The following RHOT1 variants were observed in gnomAD, a reference collection of about 807,000 sequenced individuals.
The protein encoded by RHOT1 is ras homolog family member T1, also known as mitochondrial Rho GTPase 1.
A neutral mutation model predicts 95.3 loss-of-function variants in RHOT1; 27 were observed. The observed-to-expected ratio is 0.28, with a 90% CI of 0.21 to 0.39. The LOEUF (loss-of-function observed/expected upper bound fraction) is 0.39. RHOT1 is among the 10% of genes least tolerant of loss of function. The pLI is 1.00. For missense variants in RHOT1, 578 were observed against 786.7 expected, an observed-to-expected ratio of 0.73 and a Z score of 3.17; for synonymous variants, 227 against 263.5, an observed-to-expected ratio of 0.86 and a Z score of 1.34.
At chr17:32,156,946 G>A (rs2033028041) in intron 1 of RHOT1, among the ~76,000 whole-genome samples, 1 of 152,228 alleles carries the variant, frequency 6.6e-6, no homozygotes, top group South Asian at 2.1e-4. Context: ...ATTCTATGAG[G>A]CTGGCCAGTA....
rs2142766551 is a variant in RHOT1, at chr17:32,193,081, ATTTGTGGTTTT to A, written c.640-54_640-44del. ...GCTTTGTAGATTATCATTTTATATT[ATTTGTGGTTTT>A]AACGCTGGTTTGTTTTTAAATATAT... On this transcript the variant is annotated intron_variant, in intron 9 of 19. Transcript: ENST00000545287. 4.0e-6 allele frequency: 4 copies of A among 1,011,846 alleles called. No individual in the cohort carries two copies. In the South Asian group the frequency reaches 5.6e-5, roughly 14 times the overall value. The allele number at this position is 1,011,846 out of a possible 1,614,324, so 62.7% of individuals were successfully genotyped here.
At chr17:32,196,169 C>T (rs2036871300) in intron 11 of RHOT1, among the ~76,000 whole-genome samples, 1 of 151,502 alleles carries the variant, frequency 6.6e-6, no homozygotes, top group South Asian at 2.1e-4. Flanking sequence ...CAGGATAAAA[C>T]CCAAGCTGCT....
intron 1 of RHOT1, among the ~76,000 whole-genome samples, chr17:32,162,254 C>G (rs1460202027): frequency 6.6e-6 from 1 of 152,130 alleles, no homozygotes; most frequent in Non-Finnish European, 1.5e-5. Context: ...TTAGGATGAA[C>G]TCTGTGGTTG....
At chr17:32,186,619 C>T (rs977134400) in intron 8 of RHOT1, among the ~76,000 whole-genome samples, 11 of 152,046 alleles carry the variant, frequency 7.2e-5, no homozygotes, top group Non-Finnish European at 1.2e-4. Flanking sequence ...CCCGCCTCGG[C>T]CCCCCAAAGT....
intron 6 of RHOT1, among the ~76,000 whole-genome samples, chr17:32,181,537 T>A (rs2035632634): frequency 6.6e-6 from 1 of 152,228 alleles, no homozygotes; most frequent in South Asian, 2.1e-4. Context: ...AAATTTTCAC[T>A]AAGAAATTTT....
At chr17:32,150,978 G>GCTGCTT in intron 1 of RHOT1, 2 of 1,541,996 alleles carry the variant, frequency 1.3e-6, no homozygotes, top group Non-Finnish European at 1.8e-6. Context: ...TGCTGCTGCT[G>GCTGCTT]CTGCTTCAAT....
At chr17:32,215,674 A>T (rs1278972460) in intron 19 of RHOT1, among the ~76,000 whole-genome samples, 1 of 152,154 alleles carries the variant, frequency 6.6e-6, no homozygotes, top group African/African-American at 2.4e-5. Context: ...TGAGAAAAAA[A>T]TTGTCTTTTT....
chr17:32,191,676 T>C (rs963809566), intron 8 of RHOT1, among the ~76,000 whole-genome samples: 8 of 152,204 alleles, frequency 5.3e-5, no homozygotes, highest in African/African-American at 1.9e-4. Flanking sequence ...AGGAAGTTAG[T>C]AAAAATTTTT....
chr17:32,195,002 T>G (rs2036768752), intron 11 of RHOT1, among the ~76,000 whole-genome samples: 1 of 151,958 alleles, frequency 6.6e-6, no homozygotes, highest in South Asian at 2.1e-4. Flanking sequence ...ATTTTTTGTA[T>G]ATTTAGTAGA....
intron 6 of RHOT1, among the ~76,000 whole-genome samples, chr17:32,177,455 CT>C (rs2035097304): frequency 1.3e-5 from 2 of 152,078 alleles, no homozygotes; most frequent in South Asian, 4.1e-4. Flanking sequence ...AGGAGGGAAT[CT>C]TTAAGAGAGG....
At chr17:32,209,390 C>T (rs1567723829) in intron 18 of RHOT1, 1 of 1,611,284 alleles carries the variant, frequency 6.2e-7, no homozygotes, top group East Asian at 2.2e-5. Flanking sequence ...AGACATGGGC[C>T]ACACTGATAG....
intron 1 of RHOT1, chr17:32,151,263 A>G (rs1007739208): frequency 1.1e-5 from 8 of 696,206 alleles, no homozygotes; most frequent in Non-Finnish European, 1.9e-5. Flanking sequence ...AATGAAGTAC[A>G]TTCTTGATGC....
intron 19 of RHOT1, among the ~76,000 whole-genome samples, chr17:32,217,753 CAAAA>C (rs1165768131): frequency 2.0e-5 from 2 of 102,400 alleles, no homozygotes. Context: ...GACTCCATCT[CAAAA>C]AAAAAAAAAG....
chr17:32,153,081 C>T (rs562788029), intron 1 of RHOT1, among the ~76,000 whole-genome samples: 2 of 152,306 alleles, frequency 1.3e-5, no homozygotes, highest in African/African-American at 4.8e-5. Context: ...AGATTACAGG[C>T]GTGAGCCGCC....
chr17:32,150,926 A>T, intron 1 of RHOT1: 1 of 1,542,282 alleles, frequency 6.5e-7, no homozygotes, highest in African/African-American at 1.4e-5. Context: ...TTCTTCTTGG[A>T]TGGAAGGTAT....
At chr17:32,142,962 C>T (rs2030615091) in intron 1 of RHOT1, 2 of 715,206 alleles carry the variant, frequency 2.8e-6, no homozygotes, top group Non-Finnish European at 5.2e-6. Context: ...CTCCAGAGAT[C>T]TCCTTTCCCT....
intron 16 of RHOT1, among the ~76,000 whole-genome samples, chr17:32,205,594 T>TA (rs1233411063): frequency 1.3e-5 from 2 of 151,882 alleles, no homozygotes; most frequent in Non-Finnish European, 2.9e-5. Flanking sequence ...AAACAAACAA[T>TA]AAAAAAAGTA....
At chr17:32,160,365 C>G (rs2033419698) in intron 1 of RHOT1, 2 of 152,276 alleles carry the variant, frequency 1.3e-5, no homozygotes, top group African/African-American at 4.8e-5. Flanking sequence ...TCCTGTTTGT[C>G]TTGCTCAGCC....
At chr17:32,214,235 G>A (rs1204655641) in intron 19 of RHOT1, among the ~76,000 whole-genome samples, 4 of 152,144 alleles carry the variant, frequency 2.6e-5, no homozygotes, top group Non-Finnish European at 5.9e-5. Flanking sequence ...AGGTGGCCAA[G>A]TATAAGAAAC....
Sources: allele counts gnomAD v4.1 joint callset (sites outside exome capture counted in the v4.1 genomes callset), GRCh38; gene constraint gnomAD v4.1.1; transcripts MANE v1.5; gene names NCBI Gene and HGNC (gene_info 2026-07-23, HGNC 2026-07-21).